JADE2: variants seen among roughly 807,000 people sequenced by gnomAD.
JADE2 encodes the protein E3 ubiquitin-protein ligase Jade-2.
Under a neutral mutation model 85.7 loss-of-function variants are expected in JADE2, and 13 were observed. The observed-to-expected ratio is 0.15, with a 90% CI of 0.10 to 0.24. JADE2 has a LOEUF of 0.24. Among genes scored for constraint, JADE2 ranks in the 10% least tolerant of loss-of-function variants. JADE2 has a pLI of 1.00. For synonymous variants in JADE2, 440 were observed against 456.1 expected (o/e 0.96, Z 0.45); for missense variants, 846 against 1,115.9 (o/e 0.76, Z 3.45).
At chr5:134,527,104 A>C (rs1173363537) in intron 1 of JADE2, among the ~76,000 whole-genome samples, 1 of 152,054 alleles carries the variant, frequency 6.6e-6, no homozygotes, top group African/African-American at 2.4e-5. Context: ...AATGAGTGAC[A>C]TTGCAGCCCC....
chr5:134,526,727 T>G lies in JADE2; in HGVS notation c.-1+716T>G, dbSNP rs999980578. Reference sequence around the variant, plus strand: ...GGAGGCTCTGCACAAATTAGACAGTTTTTTTGGAGGGGCGGGGGACACCCT... The same window carrying G: ...GGAGGCTCTGCACAAATTAGACAGTGTTTTTGGAGGGGCGGGGGACACCCT... On this transcript the variant is annotated intron_variant, in intron 1 of 11. Coordinates refer to ENST00000681547, the MANE Select transcript of JADE2 (RefSeq NM_001388185.1). The G allele has an allele frequency of 4.1e-6, 4 of 985,304 alleles. No individual in the cohort carries two copies. The African/African-American group carries it at 7.0e-5, about 17-fold the overall frequency. 61.0% of individuals were successfully genotyped at this position (985,304 alleles called of 1,614,324 possible). A position where few individuals can be genotyped will look rare whatever the true frequency, so the allele number is the denominator to read the frequency against.
At position 134,573,662 on chromosome 5, in the gene JADE2, C is replaced by T. The variant is rs1228069476; in HGVS notation, c.1452C>T (p.Tyr484=). ...QDLERVRNLC[Y]MVTRRERTKH... ...TTTCTCAGGTTAGAAATCTGTGCTA[C>T]ATGGTGACAAGGCGCGAGAGAACGA... Residue 484 remains tyrosine (Y), a synonymous_variant, in exon 10 of 12, where the codon TAC becomes TAT. Transcript: ENST00000681547. 2.5e-6 allele frequency: 4 copies of T among 1,612,900 alleles called. No homozygotes were observed. Among genetic ancestry groups the T allele is most frequent in the Non-Finnish European group, 3.4e-6 (4 of 1,178,978 alleles).
intron 1 of JADE2, among the ~76,000 whole-genome samples, chr5:134,532,945 T>A (rs1347885740): frequency 1.3e-5 from 2 of 152,100 alleles, no homozygotes; most frequent in Non-Finnish European, 2.9e-5. Context: ...GTTATAACAA[T>A]TAAGCCACCA....
At chr5:134,560,230 T>C (rs965386365) in intron 5 of JADE2, among the ~76,000 whole-genome samples, 43 of 152,092 alleles carry the variant, frequency 2.8e-4, no homozygotes, top group Admixed American at 2.8e-3. Flanking sequence ...GGGACTATAG[T>C]GGTAAGCATG....
At chr5:134,524,855 A>G (rs950223804), upstream of JADE2, among the ~76,000 whole-genome samples, 8 of 152,186 alleles carry the variant, frequency 5.3e-5, no homozygotes, top group African/African-American at 1.9e-4. Context: ...CCCCCTCCCC[A>G]AGACTCGCGT....
At chr5:134,564,333 A>C (rs942930626) in intron 7 of JADE2, 161 bp from the exon 8 acceptor site, 20 of 545,250 alleles carry the variant, frequency 3.7e-5, no homozygotes, top group Non-Finnish European at 6.7e-5. Context: ...CCGGCCTTTG[A>C]GCCATGCTTG....
chr5:134,552,703 T>TGG (rs1463264174), intron 4 of JADE2, among the ~76,000 whole-genome samples: 1 of 152,154 alleles, frequency 6.6e-6, no homozygotes, highest in African/African-American at 2.4e-5. Context: ...AATAGGGTCT[T>TGG]ACTCTGTCCC....
Position 134,566,825 on chromosome 5 carries a change from C to T in JADE2, c.1434+245C>T, listed in dbSNP as rs984026357. ...TCTTGAGTCTCCGAGTCCCTCTTGTCCTAGCCCTGTCACAGGCCTGGTGAA... is the reference window on the plus strand; with the variant it reads ...TCTTGAGTCTCCGAGTCCCTCTTGTTCTAGCCCTGTCACAGGCCTGGTGAA... On this transcript the variant is annotated intron_variant, in intron 9 of 11. Transcript: ENST00000681547. This position sits in a 1 kb window ranked among gnomAD's most constrained non-coding sequence, Gnocchi z 6.7. Among the ~76,000 whole-genome samples, 18 of 152,202 alleles carry T rather than the reference C, an allele frequency of 1.2e-4. No individual in the cohort carries two copies. The highest frequency in any genetic ancestry group is 4.3e-4 in the African/African-American group (18 of 41,456).
intron 11 of JADE2, among the ~76,000 whole-genome samples, chr5:134,577,884 A>G (rs961513825): frequency 1.3e-5 from 2 of 151,812 alleles, no homozygotes; most frequent in Non-Finnish European, 2.9e-5. Flanking sequence ...ACTGCTTGCT[A>G]CCCCTATTCG....
At chr5:134,559,787 C>T (rs1394547959) in intron 4 of JADE2, 43 bp from the exon 5 acceptor site, 3 of 1,579,240 alleles carry the variant, frequency 1.9e-6, no homozygotes, top group Non-Finnish European at 2.6e-6. Flanking sequence ...TGGCGGCAGG[C>T]TGAGGGCCCC....
At chr5:134,548,571 GT>G (rs1762430062) in intron 3 of JADE2, among the ~76,000 whole-genome samples, 1 of 152,162 alleles carries the variant, frequency 6.6e-6, no homozygotes, top group Admixed American at 6.5e-5. Flanking sequence ...AGCCCGTAGT[GT>G]CCAGTCTGCC....
At chr5:134,571,356 C>A (rs1178816078) in intron 9 of JADE2, among the ~76,000 whole-genome samples, 2 of 152,254 alleles carry the variant, frequency 1.3e-5, no homozygotes, top group African/African-American at 4.8e-5. Flanking sequence ...CGTACAGAAG[C>A]CACTGGAGGT....
chr5:134,535,785 T>C, intron 1 of JADE2, 73 bp from the exon 2 acceptor site: 1 of 1,290,432 alleles, frequency 7.7e-7, no homozygotes, highest in Non-Finnish European at 1.1e-6. Context: ...AGGTTGGTTA[T>C]GGGGTGATTT....
At chr5:134,541,987 G>A (rs329302) in intron 3 of JADE2, among the ~76,000 whole-genome samples, 105,552 of 152,226 alleles carry the variant, frequency 0.69, 37,008 homozygotes, top group African/African-American at 0.77. Flanking sequence ...CCAGAGTGAA[G>A]GGGGAGTGAG....
At chr5:134,531,399 A>G (rs772001028) in intron 1 of JADE2, among the ~76,000 whole-genome samples, 15 of 152,162 alleles carry the variant, frequency 9.9e-5, no homozygotes, top group Non-Finnish European at 2.2e-4. Context: ...AGATTTTCTT[A>G]GGGGCATGAT....
At position 134,564,517 on chromosome 5, in the gene JADE2, G is replaced by A. The variant is rs1413292382; in HGVS notation, c.876G>A (p.Lys292=). ...IPEVSIGCPE[K]MEPITKISHI... ...AGGTCAGCATCGGCTGCCCAGAGAAGATGGAGCCCATCACCAAGATCTCGC... is the reference window on the plus strand; with the variant it reads ...AGGTCAGCATCGGCTGCCCAGAGAAAATGGAGCCCATCACCAAGATCTCGC... The change falls in exon 8 of 12, where the codon AAG becomes AAA. Residue 292 remains lysine, a synonymous_variant. Transcript: ENST00000681547. The A allele has an allele frequency of 6.3e-7, 1 of 1,591,824 alleles. No homozygotes were observed. Among genetic ancestry groups the A allele is most frequent in the South Asian group, 1.1e-5 (1 of 87,266 alleles).
At chr5:134,572,411 C>G (rs561355494) in intron 9 of JADE2, among the ~76,000 whole-genome samples, 2 of 152,318 alleles carry the variant, frequency 1.3e-5, no homozygotes, top group South Asian at 4.1e-4. Flanking sequence ...ACGGAGGATA[C>G]CCGTACGCAG....
At chr5:134,536,045 C>A in intron 2 of JADE2, 130 bp downstream of exon 2, 1 of 803,496 alleles carries the variant, frequency 1.2e-6, no homozygotes, top group Non-Finnish European at 2.1e-6. Context: ...AAGCATAAAT[C>A]AAGTCAGGTT....
At chr5:134,573,494 GGGAATTGTTTTGCAGAT>G in intron 9 of JADE2, 134 bp from the exon 10 acceptor site, 1 of 688,804 alleles carries the variant, frequency 1.5e-6, no homozygotes, top group African/African-American at 1.8e-5. Flanking sequence ...CTCAGGGTCT[GGGAATTGTTTTGCAGAT>G]GTTCTGGGCA....
Sources: gnomAD v4.1 joint callset for allele counts (sites outside exome capture counted in the v4.1 genomes callset) on GRCh38, gnomAD v4.1.1 for gene constraint, Gnocchi (gnomAD v3.1) non-coding constraint, MANE v1.5 for transcripts, NCBI Gene and HGNC (gene_info 2026-07-23, HGNC 2026-07-21) for gene names.